Variants in CSNK2A2IP observed in about 807,000 individuals in gnomAD.
CSNK2A2IP encodes casein kinase II subunit alpha'-interacting protein.
At chr3:88,410,287 A>G in the CSNK2A2IP span, among the ~76,000 whole-genome samples, 3 of 152,180 alleles carry the variant, frequency 2.0e-5, no homozygotes, top group African/African-American at 7.2e-5. Context: ...CAAAATTGGG[A>G]GAGCTTTTTT....
At chr3:88,400,236 A>G in the CSNK2A2IP span, among the ~76,000 whole-genome samples, 1 of 152,266 alleles carries the variant, frequency 6.6e-6, no homozygotes, top group Non-Finnish European at 1.5e-5. Flanking sequence ...TTTAACAAAT[A>G]TTTGCCAAGA....
chr3:88,383,152 G>A, the CSNK2A2IP span, among the ~76,000 whole-genome samples: 1 of 151,720 alleles, frequency 6.6e-6, no homozygotes, highest in Non-Finnish European at 1.5e-5. Context: ...TCCTGTAGAA[G>A]ATTAAAAATA....
At chr3:88,464,624 G>A in the CSNK2A2IP span, among the ~76,000 whole-genome samples, 3 of 152,022 alleles carry the variant, frequency 2.0e-5, no homozygotes, top group Admixed American at 2.0e-4. Context: ...TAGACTTTTG[G>A]AAGTAAACTA....
chr3:88,343,177 A>C, the CSNK2A2IP span: 1 of 152,242 alleles, frequency 6.6e-6, no homozygotes, highest in Non-Finnish European at 1.5e-5. Context: ...AAGAGTACAA[A>C]GCAACATAAT....
At chr3:88,460,810 G>GGACGGT in the CSNK2A2IP span, among the ~76,000 whole-genome samples, 1,448 of 152,218 alleles carry the variant, frequency 9.5e-3, 10 homozygotes, top group Non-Finnish European at 0.014. Flanking sequence ...TTTTGAGGAT[G>GGACGGT]GACGCCATGG....
chr3:88,370,512 C>T, the CSNK2A2IP span, among the ~76,000 whole-genome samples: 43 of 151,778 alleles, frequency 2.8e-4, no homozygotes, highest in Admixed American at 1.2e-3. Context: ...CATGAGAACC[C>T]TCCCTTCCAT....
the CSNK2A2IP span, among the ~76,000 whole-genome samples, chr3:88,347,277 A>G: frequency 2.6e-5 from 4 of 152,060 alleles, no homozygotes; most frequent in Admixed American, 1.3e-4. Context: ...CTTAGTTGAT[A>G]AAGCAGTAGC....
the CSNK2A2IP span, among the ~76,000 whole-genome samples, chr3:88,376,849 A>C: frequency 6.6e-6 from 1 of 151,678 alleles, no homozygotes; most frequent in African/African-American, 2.4e-5. Flanking sequence ...GACTTTTCTG[A>C]ATTCTTATCC....
chr3:88,365,068 G>T, the CSNK2A2IP span, among the ~76,000 whole-genome samples: 1 of 152,202 alleles, frequency 6.6e-6, no homozygotes, highest in East Asian at 1.9e-4. Context: ...GGAAGTGTCT[G>T]ATCCAGGATG....
the CSNK2A2IP span, among the ~76,000 whole-genome samples, chr3:88,439,211 G>A: frequency 6.6e-6 from 1 of 152,070 alleles, no homozygotes; most frequent in Non-Finnish European, 1.5e-5. Context: ...CAGTATTACT[G>A]CACATCTTTC....
chr3:88,417,436 G>A, the CSNK2A2IP span, among the ~76,000 whole-genome samples: 2 of 152,162 alleles, frequency 1.3e-5, no homozygotes, highest in Non-Finnish European at 2.9e-5. Context: ...ACAGGGGCAA[G>A]GGTGCTTGTG....
At chr3:88,382,793 G>C in the CSNK2A2IP span, 1 of 152,192 alleles carries the variant, frequency 6.6e-6, no homozygotes, top group Admixed American at 6.5e-5. Flanking sequence ...TACCCAAGAA[G>C]TATGATATCA....
chr3:88,376,837 ATGACTTTTC>A, the CSNK2A2IP span, among the ~76,000 whole-genome samples: 1 of 151,702 alleles, frequency 6.6e-6, no homozygotes, highest in African/African-American at 2.4e-5. Flanking sequence ...ATTAAACCCA[ATGACTTTTC>A]TGAATTCTTA....
At chr3:88,426,065 T>A in the CSNK2A2IP span, among the ~76,000 whole-genome samples, 5 of 152,256 alleles carry the variant, frequency 3.3e-5, no homozygotes, top group African/African-American at 1.2e-4. Flanking sequence ...TATTTTCACA[T>A]AACAAATGCC....
At chr3:88,466,114 A>G in the CSNK2A2IP span, 4 of 1,231,632 alleles carry the variant, frequency 3.2e-6, no homozygotes, top group Non-Finnish European at 3.0e-6. Context: ...ACTTCAAACA[A>G]GTGACTTATT....
the CSNK2A2IP span, among the ~76,000 whole-genome samples, chr3:88,361,369 A>T: frequency 6.6e-6 from 1 of 152,136 alleles, no homozygotes. Flanking sequence ...TTGAAAAATA[A>T]CTTTGCCAGA....
the CSNK2A2IP span, among the ~76,000 whole-genome samples, chr3:88,456,778 CT>C: frequency 2.9e-3 from 438 of 150,404 alleles, 2 homozygotes; most frequent in African/African-American, 0.01. Flanking sequence ...ATACATGTGT[CT>C]TTTTCCCAAC....
the CSNK2A2IP span, among the ~76,000 whole-genome samples, chr3:88,407,243 T>G: frequency 6.8e-6 from 1 of 147,770 alleles, no homozygotes; most frequent in African/African-American, 2.5e-5. Flanking sequence ...GTGCAAATAT[T>G]CTTTTCCTAA....
chr3:88,373,918 A>C, the CSNK2A2IP span, among the ~76,000 whole-genome samples: 1 of 151,668 alleles, frequency 6.6e-6, no homozygotes, highest in Non-Finnish European at 1.5e-5. Flanking sequence ...TTTGAGATAA[A>C]AGAGATAACC....
Sources: gnomAD v4.1 joint callset for allele counts (sites outside exome capture counted in the v4.1 genomes callset) on GRCh38, gnomAD v4.1.1 for gene constraint, MANE v1.5 for transcripts, NCBI Gene and HGNC (gene_info 2026-07-23, HGNC 2026-07-21) for gene names.